The following FREM1 variants were observed in gnomAD, a reference collection of about 807,000 sequenced individuals.
The protein encoded by FREM1 is FRAS1 related extracellular matrix 1, also known as FRAS1-related extracellular matrix protein 1.
Under a neutral mutation model 210.1 loss-of-function variants are expected in FREM1, and 220 were observed. The ratio of observed to expected loss-of-function variants is 1.05; its 90% CI spans 0.94 to 1.17. The LOEUF (loss-of-function observed/expected upper bound fraction) is 1.17, where lower values mean the gene tolerates loss of function less well. Among genes scored for constraint, FREM1 ranks in the 50% most tolerant of loss-of-function variants. The probability of loss-of-function intolerance (pLI) is 0.00; values close to 1 mark genes in which losing one functional copy is unlikely to be tolerated. For missense variants in FREM1, 3,454 were observed against 2,675.5 expected (o/e 1.29, Z -6.42); for synonymous variants, 1,189 against 980.2 (o/e 1.21, Z -3.98).
chr9:14,740,374 T>C lies in FREM1; in HGVS notation c.6255-140A>G, dbSNP rs891371731. On this transcript the variant is annotated intron_variant, in intron 35 of 36. Transcript: ENST00000380880. ...AAAAAACTTTCTAAGATTTTAATAGTGCAGTTTTATTTAAAAAGTATCTGC... is the reference window on the plus strand; with the variant it reads ...AAAAAACTTTCTAAGATTTTAATAGCGCAGTTTTATTTAAAAAGTATCTGC... 6.5e-6 allele frequency: 4 copies of C among 618,514 alleles called. No individual in the cohort carries two copies. The African/African-American group carries it at 7.4e-5, about 11-fold the overall frequency. The allele number at this position is 618,514 out of a possible 1,614,324, so 38.3% of individuals were successfully genotyped here.
chr9:14,896,017 G>C (rs531991187), intron 1 of FREM1, among the ~76,000 whole-genome samples: 5 of 152,122 alleles, frequency 3.3e-5, no homozygotes, highest in Non-Finnish European at 7.3e-5. Flanking sequence ...ATTCCTAGAT[G>C]GTTAAGCATT....
At chr9:14,893,044 C>T (rs960858790) in intron 1 of FREM1, among the ~76,000 whole-genome samples, 4 of 152,262 alleles carry the variant, frequency 2.6e-5, no homozygotes, top group African/African-American at 9.6e-5. Context: ...CTCTGGCCTT[C>T]CTTCGTGTTG....
chr9:14,884,915 CTT>C (rs745465527), intron 1 of FREM1, among the ~76,000 whole-genome samples: 104 of 70,358 alleles, frequency 1.5e-3, no homozygotes, highest in African/African-American at 5.8e-3. Context: ...TTCATCATAG[CTT>C]TTTTTTTTTT....
intron 16 of FREM1, among the ~76,000 whole-genome samples, chr9:14,808,763 T>A (rs958532410): frequency 1.3e-5 from 2 of 152,180 alleles, no homozygotes; most frequent in African/African-American, 4.8e-5. Context: ...GTCTTACATC[T>A]GTAGGATTCA....
chr9:14,871,621 G>T (rs1832697238), intron 1 of FREM1, among the ~76,000 whole-genome samples: 1 of 152,212 alleles, frequency 6.6e-6, no homozygotes, highest in East Asian at 1.9e-4. Context: ...TCACTCTGAT[G>T]GTAGTTTCTT....
chr9:14,785,443 C>T (rs1285446381), intron 23 of FREM1, among the ~76,000 whole-genome samples: 2 of 152,104 alleles, frequency 1.3e-5, no homozygotes, highest in Non-Finnish European at 2.9e-5. Flanking sequence ...GTGGTAGTTG[C>T]ACAAATGTTC....
At chr9:14,763,861 G>T (rs1845944535) in intron 27 of FREM1, among the ~76,000 whole-genome samples, 1 of 152,164 alleles carries the variant, frequency 6.6e-6, no homozygotes, top group African/African-American at 2.4e-5. Flanking sequence ...TAACCCAGGT[G>T]TCTTGTAGAG....
At chr9:14,779,305 G>A (rs1849262606) in intron 24 of FREM1, 2 of 175,748 alleles carry the variant, frequency 1.1e-5, no homozygotes, top group South Asian at 1.9e-4. Context: ...GTACCTTAGC[G>A]CAAATATAAG....
Position 14,806,841 on chromosome 9 carries a change from C to T in FREM1, c.3094G>A (p.Val1032Met), listed in dbSNP as rs544959201. 2.3e-5 allele frequency: 37 copies of T among 1,592,652 alleles called. No individual in the cohort carries two copies. The East Asian group carries it at 2.5e-4, about 11-fold the overall frequency. The change falls in exon 18 of 37, where the codon GTG becomes ATG. Residue 1032 changes from valine (V) to methionine (M), a missense_variant. Val to Met is a conservative substitution (Grantham distance 21). Coordinates refer to ENST00000380880, the MANE Select transcript of FREM1 (RefSeq NM_001379081.2). ...GAGCAGCCCTCATCTACAACAAACA[C>T]GGGACCTGCATACAAATAAAAACAC... The part of the protein sequence containing the change: ...NQPPSIAIGP[V>M]FVVDEGCSTA...
At chr9:14,757,366 C>A (rs1212709189) in intron 28 of FREM1, among the ~76,000 whole-genome samples, 3 of 152,094 alleles carry the variant, frequency 2.0e-5, no homozygotes, top group Admixed American at 2.0e-4. Flanking sequence ...ACCAACCTGG[C>A]CAACATGGTG....
In FREM1 at chr9:14,754,982, G is replaced by A. The variant is rs574398041; in HGVS notation, c.5407+1392C>T. Among the ~76,000 whole-genome samples the A allele has an allele frequency of 7.9e-5, 12 of 152,272 alleles. No homozygotes were observed. The South Asian group carries it at 1.2e-3, about 16-fold the overall frequency. On this transcript the variant is annotated intron_variant, in intron 29 of 36. Transcript: ENST00000380880. ...CTTTATAACACAGACATGCACACAA[G>A]GAGAACGCTACGTGAAGATGAAAGC...
intron 7 of FREM1, among the ~76,000 whole-genome samples, chr9:14,848,254 T>C (rs1827045700): frequency 6.6e-6 from 1 of 152,230 alleles, no homozygotes; most frequent in East Asian, 1.9e-4. Context: ...CTTATTTACA[T>C]ATTTTAGTTT....
chr9:14,820,975 A>C (rs10961732), intron 13 of FREM1, among the ~76,000 whole-genome samples: 2 of 152,070 alleles, frequency 1.3e-5, no homozygotes, highest in Non-Finnish European at 2.9e-5. Flanking sequence ...GCTTTGCTAC[A>C]TTAGGTGATT....
At position 14,882,393 on chromosome 9, in the gene FREM1, G is replaced by A. The variant is rs184087042; in HGVS notation, c.-267-13149C>T. On this transcript the variant is annotated intron_variant, in intron 1 of 36. Coordinates refer to ENST00000380880, the MANE Select transcript of FREM1 (RefSeq NM_001379081.2). ...TGGCTCCCTGCACCACAATGCTGTT[G>A]AAAGAATAGACTTGAATTTTGAATA... Among the ~76,000 whole-genome samples the A allele has an allele frequency of 5.5e-3, 833 of 151,896 alleles. 2 individuals carry two copies. The highest frequency in any genetic ancestry group is 9.6e-3 in the Non-Finnish European group (651 of 67,970).
In FREM1 at chr9:14,801,671, G is replaced by A; in HGVS notation, c.3675C>T (p.Ser1225=). 1 of 1,612,786 alleles carries A rather than the reference G, an allele frequency of 6.2e-7. No individual in the cohort carries two copies. Among genetic ancestry groups the A allele is most frequent in the Non-Finnish European group, 8.5e-7 (1 of 1,178,780 alleles). ...CTATACCAGTCTTGAGGAGTTCCAT[G>A]GAAAAGCTGTGAACAGGTGCATGTT... ...HQKHAPVHSF[S]MELLKTGMRL... The change falls in exon 20 of 37, where the codon TCC becomes TCT. Residue 1225 remains serine (S), a synonymous_variant. Coordinates refer to ENST00000380880, the MANE Select transcript of FREM1 (RefSeq NM_001379081.2).
At position 14,770,790 on chromosome 9, in the gene FREM1, T is replaced by C. The variant is rs1847418902; in HGVS notation, c.4874A>G (p.Lys1625Arg). The C allele has an allele frequency of 6.2e-7, 1 of 1,612,190 alleles. No individual in the cohort carries two copies. Among genetic ancestry groups the C allele is most frequent in the Non-Finnish European group, 8.5e-7 (1 of 1,179,030 alleles). ...CAAGAGTGTGATACGAGGAGCTGTT[T>C]TGTCCAATTGGTCTACCTGGATCAT... The part of the protein sequence containing the change: ...LFTIQVDQLD[K>R]TAPRITLLHS... The change falls in exon 26 of 37, where the codon AAA (lysine) becomes AGA (arginine). Residue 1625 changes from lysine to arginine, a missense_variant. Physicochemically the swap from Lys to Arg is conservative, Grantham distance 26 (BLOSUM62 2). Transcript: ENST00000380880.
chr9:14,884,416 G>C (rs984137396), intron 1 of FREM1, among the ~76,000 whole-genome samples: 1 of 152,040 alleles, frequency 6.6e-6, no homozygotes, highest in Admixed American at 6.6e-5. Flanking sequence ...TCTAAGTACA[G>C]TATATCTGTA....
At chr9:14,886,895 CAAAAAAAAA>C (rs59827471) in intron 1 of FREM1, among the ~76,000 whole-genome samples, 2 of 95,488 alleles carry the variant, frequency 2.1e-5, no homozygotes, top group Non-Finnish European at 4.3e-5. Flanking sequence ...GACCTTGTTT[CAAAAAAAAA>C]AAAAAAAAAA....
rs1212010771 is a variant in FREM1 at position 14,861,268 on chromosome 9, C to CACATATAT, written c.330-1792_330-1785dup. ...ACATATATACATATATACACATATA[C>CACATATAT]ACATATATACATATATACATATATA... On this transcript the variant is annotated intron_variant, in intron 3 of 36. Coordinates refer to ENST00000380880, the MANE Select transcript of FREM1 (RefSeq NM_001379081.2). 8.3e-4 allele frequency among the ~76,000 whole-genome samples: 73 copies of CACATATAT among 88,458 alleles called. 7 individuals are homozygous for CACATATAT. The highest frequency in any genetic ancestry group is 7.2e-3 in the Middle Eastern group (1 of 138). 58.0% of individuals were successfully genotyped at this position (88,458 alleles called of 152,430 possible). A position where few individuals can be genotyped will look rare whatever the true frequency, so the allele number is the denominator to read the frequency against.
Sources: gnomAD v4.1 joint callset for allele counts (sites outside exome capture counted in the v4.1 genomes callset) on GRCh38, gnomAD v4.1.1 for gene constraint, MANE v1.5 for transcripts, NCBI Gene and HGNC (gene_info 2026-07-23, HGNC 2026-07-21) for gene names.